NOS1AP: variants seen among roughly 807,000 people sequenced by gnomAD.
The protein encoded by NOS1AP is carboxyl-terminal PDZ ligand of neuronal nitric oxide synthase protein.
A neutral mutation model predicts 56.2 loss-of-function variants in NOS1AP; 21 were observed. The observed-to-expected ratio is 0.37, with a 90% CI of 0.26 to 0.54. The LOEUF is 0.54. Ranked by LOEUF, NOS1AP falls within the 20% of genes least tolerant of loss-of-function variation. The probability of loss-of-function intolerance (pLI) is 0.84; values close to 1 mark genes in which losing one functional copy is unlikely to be tolerated. For missense variants in NOS1AP, 522 were observed against 657.8 expected (o/e 0.79, Z 2.26); for synonymous variants, 270 against 274.6 (o/e 0.98, Z 0.17).
chr1:162,348,261 A>T (rs550014907), intron 6 of NOS1AP, among the ~76,000 whole-genome samples: 1 of 152,346 alleles, frequency 6.6e-6, no homozygotes, highest in South Asian at 2.1e-4. Flanking sequence ...AGAGATTTCA[A>T]CTTTTAAGCA....
intron 5 of NOS1AP, 47 bp from the exon 6 acceptor site, chr1:162,343,788 C>A: frequency 6.2e-7 from 1 of 1,610,974 alleles, no homozygotes; most frequent in Non-Finnish European, 8.5e-7. Context: ...TCCACATGCC[C>A]CTTGCGCATC....
At chr1:162,354,648 T>C (rs190503992) in intron 6 of NOS1AP, among the ~76,000 whole-genome samples, 19 of 152,324 alleles carry the variant, frequency 1.2e-4, no homozygotes, top group African/African-American at 4.1e-4. Flanking sequence ...GGGAGATTGA[T>C]ACTGTGTTAA....
intron 1 of NOS1AP, among the ~76,000 whole-genome samples, chr1:162,101,991 G>A (rs968452551): frequency 2.0e-5 from 3 of 152,068 alleles, no homozygotes; most frequent in Non-Finnish European, 1.5e-5. Context: ...AATAGGAGTG[G>A]TGATAGAAGA....
chr1:162,152,643 C>T (rs1649765968), intron 1 of NOS1AP, among the ~76,000 whole-genome samples: 1 of 152,250 alleles, frequency 6.6e-6, no homozygotes, highest in Non-Finnish European at 1.5e-5. Context: ...CCCCATGGGC[C>T]GTGGTGGGGC....
At chr1:162,201,203 C>T (rs1339222861) in intron 2 of NOS1AP, among the ~76,000 whole-genome samples, 1 of 152,160 alleles carries the variant, frequency 6.6e-6, no homozygotes, top group Non-Finnish European at 1.5e-5. Flanking sequence ...ATAATGGTCT[C>T]CAGCTCCATC....
chr1:162,146,404 G>A (rs555616992), intron 1 of NOS1AP, among the ~76,000 whole-genome samples: 35 of 152,224 alleles, frequency 2.3e-4, no homozygotes, highest in African/African-American at 8.4e-4. Context: ...GGGTCCTGAA[G>A]ACCTGGCTGG....
At chr1:162,263,947 T>C (rs775222418) in intron 2 of NOS1AP, among the ~76,000 whole-genome samples, 10 of 152,194 alleles carry the variant, frequency 6.6e-5, no homozygotes, top group African/African-American at 2.4e-4. Context: ...CAACACCAGG[T>C]CCTGTTGCTT....
At chr1:162,145,202 C>T (rs965807533) in intron 1 of NOS1AP, among the ~76,000 whole-genome samples, 1 of 121,046 alleles carries the variant, frequency 8.3e-6, no homozygotes, top group Non-Finnish European at 1.6e-5. Context: ...TAAATGAAGA[C>T]GTGGTGTGCA....
chr1:162,284,637 G>A (rs1328301403), intron 2 of NOS1AP, among the ~76,000 whole-genome samples: 1 of 152,214 alleles, frequency 6.6e-6, no homozygotes, highest in African/African-American at 2.4e-5. Context: ...CTATGTGCAT[G>A]GTGATTGAAT....
intron 4 of NOS1AP, among the ~76,000 whole-genome samples, chr1:162,329,780 C>T (rs889378350): frequency 1.3e-5 from 2 of 152,254 alleles, no homozygotes; most frequent in South Asian, 2.1e-4. Flanking sequence ...TGAATGAGGT[C>T]GCATGGAAAA....
At chr1:162,329,688 A>G (rs1196242585) in intron 4 of NOS1AP, among the ~76,000 whole-genome samples, 1 of 152,174 alleles carries the variant, frequency 6.6e-6, no homozygotes, top group Non-Finnish European at 1.5e-5. Flanking sequence ...GTAATGGAGA[A>G]ATAAGGGTTC....
chr1:162,256,048 G>A (rs965383872), intron 2 of NOS1AP, among the ~76,000 whole-genome samples: 3 of 152,122 alleles, frequency 2.0e-5, no homozygotes, highest in South Asian at 2.1e-4. Context: ...GGAGACTGAG[G>A]CAGGAGAATT....
intron 2 of NOS1AP, among the ~76,000 whole-genome samples, chr1:162,168,574 A>G (rs1404527769): frequency 1.3e-5 from 2 of 152,186 alleles, no homozygotes; most frequent in Non-Finnish European, 2.9e-5. Context: ...TGGAAGGGCA[A>G]AGGCCTAGAA....
At chr1:162,250,890 T>G (rs1653827077) in intron 2 of NOS1AP, among the ~76,000 whole-genome samples, 1 of 152,122 alleles carries the variant, frequency 6.6e-6, no homozygotes, top group African/African-American at 2.4e-5. Context: ...AAGCTAACCC[T>G]TCTGCCTCCT....
chr1:162,119,972 C>T (rs1255266896), intron 1 of NOS1AP, among the ~76,000 whole-genome samples: 1 of 152,010 alleles, frequency 6.6e-6, no homozygotes, highest in Non-Finnish European at 1.5e-5. Flanking sequence ...ACGAACCTAT[C>T]CTGTGAATAA....
At chr1:162,104,054 G>A (rs1050839802) in intron 1 of NOS1AP, among the ~76,000 whole-genome samples, 1 of 152,108 alleles carries the variant, frequency 6.6e-6, no homozygotes, top group Non-Finnish European at 1.5e-5. Flanking sequence ...ATGATTTTTT[G>A]TTTCTATATT....
intron 5 of NOS1AP, among the ~76,000 whole-genome samples, 163 bp downstream of exon 5, chr1:162,333,288 C>T (rs1436110383): frequency 6.6e-6 from 1 of 152,160 alleles, no homozygotes; most frequent in Non-Finnish European, 1.5e-5. Flanking sequence ...TCTCTTTTAG[C>T]ATCATCTGAA....
At chr1:162,276,930 C>A (rs1654750311) in intron 2 of NOS1AP, among the ~76,000 whole-genome samples, 1 of 152,148 alleles carries the variant, frequency 6.6e-6, no homozygotes, top group African/African-American at 2.4e-5. Flanking sequence ...TGGTAGGAAT[C>A]ATTGAATGTT....
chr1:162,236,654 CCT>C (rs1239678417), intron 2 of NOS1AP, among the ~76,000 whole-genome samples: 10 of 152,318 alleles, frequency 6.6e-5, no homozygotes, highest in Middle Eastern at 3.4e-3. Flanking sequence ...CCCCCCTTTC[CCT>C]CTTTTTCTTT....
Sources: gnomAD v4.1 joint callset for allele counts (sites outside exome capture counted in the v4.1 genomes callset) on GRCh38, gnomAD v4.1.1 for gene constraint, MANE v1.5 for transcripts, NCBI Gene and HGNC (gene_info 2026-07-23, HGNC 2026-07-21) for gene names.